CDK14: variants seen among roughly 807,000 people sequenced by gnomAD.
CDK14 encodes the protein cyclin dependent kinase 14.
CDK14 carries 34 observed loss-of-function variants against 60.7 expected under a neutral mutation model. The observed-to-expected ratio is 0.56, with a 90% CI of 0.43 to 0.75. CDK14 has a LOEUF of 0.75. CDK14 is among the 30% of genes least tolerant of loss of function. The pLI, the probability that CDK14 is intolerant of heterozygous loss-of-function variation, is 0.00. For missense variants in CDK14, 482 were observed against 564.1 expected, an observed-to-expected ratio of 0.85 and a Z score of 1.47; for synonymous variants, 197 against 203.7, an observed-to-expected ratio of 0.97 and a Z score of 0.28.
rs534394498 is a variant in CDK14, at chr7:91,170,757, CT to C, written c.*29-36397del. ...CTCGTTTGTAAATTCTGTTTTCAATCTTTTTTTTTTTCTTTTTTTTTTTTTT... is the reference window on the plus strand; with the variant it reads ...CTCGTTTGTAAATTCTGTTTTCAATCTTTTTTTTTTCTTTTTTTTTTTTTT... On this transcript the variant is annotated intron_variant, in intron 14 of 14. Transcript: ENST00000380050. Among the ~76,000 whole-genome samples, 941 of 139,692 alleles carry C rather than the reference CT, an allele frequency of 6.7e-3. 9 individuals are homozygous for C. Among genetic ancestry groups the C allele is most frequent in the African/African-American group, 0.019 (736 of 37,986 alleles). 91.6% of individuals were successfully genotyped at this position (139,692 alleles called of 152,430 possible).
chr7:90,808,731 G>A lies in CDK14; in HGVS notation c.544+18079G>A, dbSNP rs1583992268. 1.3e-5 allele frequency among the ~76,000 whole-genome samples: 2 copies of A among 152,248 alleles called. 1 individual carries two copies. Among genetic ancestry groups the A allele is most frequent in the African/African-American group, 4.8e-5 (2 of 41,548 alleles). Reference sequence around the variant, plus strand: ...TATATTCAGGAAACCCATCTCATGTGCAGAGACACACATAGGCTCAAAATA... The same window carrying A: ...TATATTCAGGAAACCCATCTCATGTACAGAGACACACATAGGCTCAAAATA... On this transcript the variant is annotated intron_variant, in intron 5 of 14. Transcript: ENST00000380050.
chr7:91,037,201 A>G (rs1796957060), intron 10 of CDK14, among the ~76,000 whole-genome samples: 2 of 152,178 alleles, frequency 1.3e-5, no homozygotes, highest in Non-Finnish European at 2.9e-5. Flanking sequence ...CCAGTTGTTC[A>G]TGCCTTATTA....
At chr7:90,883,325 G>T (rs181222919) in intron 6 of CDK14, among the ~76,000 whole-genome samples, 1 of 152,118 alleles carries the variant, frequency 6.6e-6, no homozygotes, top group African/African-American at 2.4e-5. Flanking sequence ...ACACCTCTAC[G>T]CAAATAAACT....
chr7:90,895,394 T>C (rs557498259), intron 6 of CDK14, among the ~76,000 whole-genome samples: 282 of 6,090 alleles, frequency 0.046, 9 homozygotes, highest in South Asian at 0.12. Flanking sequence ...TCCTCTCCTC[T>C]CCTCTCCTCT....
chr7:90,695,889 C>G (rs1009950981), intron 2 of CDK14, among the ~76,000 whole-genome samples: 5 of 152,034 alleles, frequency 3.3e-5, no homozygotes, highest in African/African-American at 1.2e-4. Context: ...CTTGCTGGTC[C>G]TGGTTGGGGT....
chr7:90,616,277 A>T (rs1477346475), intron 2 of CDK14, among the ~76,000 whole-genome samples: 2 of 152,212 alleles, frequency 1.3e-5, no homozygotes, highest in African/African-American at 4.8e-5. Context: ...GTTACTTTTG[A>T]TTTTAATGAA....
At chr7:90,878,957 C>T (rs985869388) in intron 6 of CDK14, among the ~76,000 whole-genome samples, 2 of 152,102 alleles carry the variant, frequency 1.3e-5, no homozygotes, top group Non-Finnish European at 2.9e-5. Flanking sequence ...TAGTATTTGC[C>T]TAATGTAGAA....
At chr7:90,637,055 A>G (rs965896344) in intron 2 of CDK14, among the ~76,000 whole-genome samples, 2 of 152,022 alleles carry the variant, frequency 1.3e-5, no homozygotes, top group African/African-American at 2.4e-5. Flanking sequence ...CTAGCGGTCT[A>G]TCAATTTTGT....
intron 8 of CDK14, among the ~76,000 whole-genome samples, chr7:90,949,873 A>G (rs1052208756): frequency 1.3e-5 from 2 of 152,212 alleles, no homozygotes; most frequent in Non-Finnish European, 2.9e-5. Context: ...AATGTATTTA[A>G]AAAACAAACA....
intron 12 of CDK14, among the ~76,000 whole-genome samples, chr7:91,093,750 A>G (rs1798899707): frequency 6.6e-6 from 1 of 152,192 alleles, no homozygotes; most frequent in South Asian, 2.1e-4. Flanking sequence ...CACTGTTCAC[A>G]ATAGCAAATA....
chr7:90,920,769 T>A (rs1793225607), intron 8 of CDK14, among the ~76,000 whole-genome samples: 1 of 152,242 alleles, frequency 6.6e-6, no homozygotes, highest in Non-Finnish European at 1.5e-5. Flanking sequence ...ATGCATCACA[T>A]AATTTAAAGA....
chr7:90,772,071 T>G (rs1019921117), intron 4 of CDK14, among the ~76,000 whole-genome samples: 1 of 152,236 alleles, frequency 6.6e-6, no homozygotes, highest in African/African-American at 2.4e-5. Flanking sequence ...GGTCTTCAAC[T>G]GAACATTTGG....
chr7:90,715,226 AAAAC>A (rs1420203916), intron 2 of CDK14, among the ~76,000 whole-genome samples: 3 of 152,120 alleles, frequency 2.0e-5, no homozygotes, highest in Non-Finnish European at 4.4e-5. Context: ...CTCAAAAGTG[AAAAC>A]AAACAGAATT....
intron 14 of CDK14, among the ~76,000 whole-genome samples, chr7:91,185,487 G>C (rs979964217): frequency 6.6e-6 from 1 of 151,696 alleles, no homozygotes; most frequent in Admixed American, 6.6e-5. Flanking sequence ...TTACCATATA[G>C]AACTACTTTC....
At chr7:91,204,254 A>G (rs1029047731) in intron 14 of CDK14, among the ~76,000 whole-genome samples, 5 of 152,222 alleles carry the variant, frequency 3.3e-5, no homozygotes, top group Non-Finnish European at 4.4e-5. Flanking sequence ...CCCCTACCTC[A>G]TACCATATAC....
rs971835260 is a variant in CDK14, at chr7:91,195,310, T to C, written c.*29-11855T>C. On this transcript the variant is annotated intron_variant, in intron 14 of 14. Transcript: ENST00000380050. ...GCTACAATTAGAAAGTCTGTCTGAG[T>C]TGTGTATTAATCGAACATGTTCGAG... Among the ~76,000 whole-genome samples the C allele has an allele frequency of 5.3e-5, 8 of 152,302 alleles. No individual in the cohort carries two copies. The South Asian group carries it at 1.7e-3, about 32-fold the overall frequency.
chr7:90,842,725 A>G (rs1300878682), intron 5 of CDK14, among the ~76,000 whole-genome samples: 1 of 152,184 alleles, frequency 6.6e-6, no homozygotes, highest in African/African-American at 2.4e-5. Flanking sequence ...AATATATAAA[A>G]TAAGGTACTA....
chr7:91,023,204 A>C (rs12536094), intron 10 of CDK14, among the ~76,000 whole-genome samples: 3 of 152,060 alleles, frequency 2.0e-5, no homozygotes, highest in Non-Finnish European at 4.4e-5. Context: ...TCATGTCAAG[A>C]CTTGTCCATT....
intron 4 of CDK14, among the ~76,000 whole-genome samples, chr7:90,777,632 A>G (rs1805104568): frequency 6.6e-6 from 1 of 152,188 alleles, no homozygotes; most frequent in Non-Finnish European, 1.5e-5. Flanking sequence ...GTACCTTGTC[A>G]TCTGTGCAGC....
Sources: allele counts gnomAD v4.1 joint callset (sites outside exome capture counted in the v4.1 genomes callset), GRCh38; gene constraint gnomAD v4.1.1; transcripts MANE v1.5; gene names NCBI Gene and HGNC (gene_info 2026-07-23, HGNC 2026-07-21).